ZNF423: variants seen among roughly 807,000 people sequenced by gnomAD.
ZNF423 encodes the protein Ebf-associated zinc finger protein.
A neutral mutation model predicts 95.8 loss-of-function variants in ZNF423; 12 were observed. The ratio of observed to expected loss-of-function variants is 0.13; its 90% confidence interval spans 0.08 to 0.20. The LOEUF (loss-of-function observed/expected upper bound fraction) is 0.20, where lower values mean the gene tolerates loss of function less well. Among genes scored for constraint, ZNF423 ranks in the 10% least tolerant of loss-of-function variants. The probability of loss-of-function intolerance (pLI) is 1.00; values close to 1 mark genes in which losing one functional copy is unlikely to be tolerated. For synonymous variants in ZNF423, 749 were observed against 711.9 expected, an observed-to-expected ratio of 1.05 and a Z score of -0.83; for missense variants, 1,316 against 1,737.1, an observed-to-expected ratio of 0.76 and a Z score of 4.31.
In ZNF423 at chr16:49,621,901, A is replaced by T. The variant is rs557406058; in HGVS notation, c.3601+4269T>A. 5.3e-5 allele frequency among the ~76,000 whole-genome samples: 8 copies of T among 151,950 alleles called. No homozygotes were observed. In the East Asian group the frequency reaches 1.4e-3, roughly 26 times the overall value. ...CTCCTCTTCTCCCCCTGCCCTGTTC[A>T]CTCACCCCAGGACCACACCAGGTGG... On this transcript the variant is annotated intron_variant, in intron 5 of 7. Coordinates refer to ENST00000563137, the MANE Select transcript of ZNF423 (RefSeq NM_001379286.1).
intron 5 of ZNF423, among the ~76,000 whole-genome samples, chr16:49,607,518 C>T (rs938955400): frequency 1.3e-5 from 2 of 152,164 alleles, no homozygotes; most frequent in Non-Finnish European, 2.9e-5. Context: ...TGTCACAGAG[C>T]TTCTTGATTT....
chr16:49,808,473 C>A (rs1262698359), intron 1 of ZNF423, among the ~76,000 whole-genome samples: 1 of 152,204 alleles, frequency 6.6e-6, no homozygotes, highest in African/African-American at 2.4e-5. Flanking sequence ...CTATCAGCCA[C>A]CTGAATCCCA....
intron 5 of ZNF423, among the ~76,000 whole-genome samples, chr16:49,601,558 G>A (rs138474754): frequency 6.6e-6 from 1 of 152,184 alleles, no homozygotes; most frequent in Non-Finnish European, 1.5e-5. Flanking sequence ...CAGAAGGGGA[G>A]TGACTTGTTC....
chr16:49,548,644 G>T (rs1969521134), intron 5 of ZNF423, among the ~76,000 whole-genome samples: 1 of 152,232 alleles, frequency 6.6e-6, no homozygotes, highest in South Asian at 2.1e-4. Context: ...GACGGGGAAG[G>T]CGGAGCAGAG....
intron 5 of ZNF423, among the ~76,000 whole-genome samples, chr16:49,592,715 G>A (rs1971047454): frequency 6.6e-6 from 1 of 152,266 alleles, no homozygotes; most frequent in Non-Finnish European, 1.5e-5. Flanking sequence ...AAAGCAGGCA[G>A]GAAACTCAAA....
At chr16:49,801,655 C>T (rs1048579993) in intron 1 of ZNF423, among the ~76,000 whole-genome samples, 1 of 152,212 alleles carries the variant, frequency 6.6e-6, no homozygotes, top group Non-Finnish European at 1.5e-5. Context: ...CCATCCCAGA[C>T]CTACAAAATC....
chr16:49,511,090 A>G (rs1967879358), intron 7 of ZNF423, among the ~76,000 whole-genome samples: 1 of 152,204 alleles, frequency 6.6e-6, no homozygotes, highest in Non-Finnish European at 1.5e-5. Flanking sequence ...TGCTCAGGCG[A>G]GCTGACCCTC....
At chr16:49,533,191 C>A (rs1446049198) in intron 5 of ZNF423, among the ~76,000 whole-genome samples, 1 of 152,226 alleles carries the variant, frequency 6.6e-6, no homozygotes, top group East Asian at 1.9e-4. Context: ...TTGATTCCAG[C>A]ATCTGACAAG....
intron 1 of ZNF423, among the ~76,000 whole-genome samples, chr16:49,833,860 G>A (rs1392899025): frequency 6.6e-6 from 1 of 152,172 alleles, no homozygotes; most frequent in Non-Finnish European, 1.5e-5. Flanking sequence ...GGGAGGGCAG[G>A]TGGAAACTCC....
At chr16:49,541,886 C>T (rs888216963) in intron 5 of ZNF423, among the ~76,000 whole-genome samples, 1 of 152,236 alleles carries the variant, frequency 6.6e-6, no homozygotes, top group African/African-American at 2.4e-5. Flanking sequence ...CCTGAGGCCT[C>T]CCCAGCCCTG....
intron 3 of ZNF423, among the ~76,000 whole-genome samples, chr16:49,689,265 G>C (rs2031685076): frequency 9.3e-6 from 1 of 107,980 alleles, no homozygotes; most frequent in East Asian, 2.7e-4. Flanking sequence ...AACATGGCAA[G>C]ACCCCATCTC....
intron 3 of ZNF423, among the ~76,000 whole-genome samples, chr16:49,717,142 G>A (rs2032731753): frequency 6.6e-6 from 1 of 152,170 alleles, no homozygotes; most frequent in African/African-American, 2.4e-5. Flanking sequence ...GGGGACTTCT[G>A]GAATTGGTCC....
intron 3 of ZNF423, among the ~76,000 whole-genome samples, chr16:49,705,889 T>C (rs114814043): frequency 0.042 from 6,459 of 152,204 alleles, 447 homozygotes; most frequent in African/African-American, 0.14. Flanking sequence ...AAGAAAAATG[T>C]ATTTTGAGAA....
chr16:49,715,644 C>CTGAGGTGGGAAGATGGCT (rs1219962764), intron 3 of ZNF423, among the ~76,000 whole-genome samples: 3 of 152,024 alleles, frequency 2.0e-5, no homozygotes, highest in African/African-American at 7.3e-5. Context: ...ACTGGGGAGG[C>CTGAGGTGGGAAGATGGCT]TGAGGTGGGA....
intron 1 of ZNF423, among the ~76,000 whole-genome samples, chr16:49,848,087 G>C (rs140841688): frequency 6.8e-4 from 103 of 152,166 alleles, no homozygotes; most frequent in Non-Finnish European, 1.3e-3. Context: ...CTGGGGGACA[G>C]AGCAAGATCC....
chr16:49,493,073 G>A (rs1967036034), intron 7 of ZNF423, among the ~76,000 whole-genome samples: 1 of 152,148 alleles, frequency 6.6e-6, no homozygotes, highest in African/African-American at 2.4e-5. Flanking sequence ...TGAGGCCACA[G>A]ATGGGATGCA....
chr16:49,551,586 G>A (rs573986420), intron 5 of ZNF423, among the ~76,000 whole-genome samples: 1 of 152,310 alleles, frequency 6.6e-6, no homozygotes, highest in East Asian at 1.9e-4. Context: ...GGGGGCAAAG[G>A]ACAAACCAGG....
chr16:49,764,346 A>T (rs1382212883), intron 2 of ZNF423: 1 of 152,976 alleles, frequency 6.5e-6, no homozygotes, highest in Non-Finnish European at 1.5e-5. Context: ...AGGGATAAAC[A>T]AAAAGTGGGC....
chr16:49,640,064 G>A (rs901350548), intron 3 of ZNF423, among the ~76,000 whole-genome samples: 1 of 152,148 alleles, frequency 6.6e-6, no homozygotes, highest in Admixed American at 6.5e-5. Context: ...CAAAAGCTCA[G>A]ATTCGGCTCC....
Sources: gnomAD v4.1 joint callset for allele counts (sites outside exome capture counted in the v4.1 genomes callset) on GRCh38, gnomAD v4.1.1 for gene constraint, MANE v1.5 for transcripts, NCBI Gene and HGNC (gene_info 2026-07-23, HGNC 2026-07-21) for gene names.